The following NEDD4L variants were observed in gnomAD, a reference collection of about 807,000 sequenced individuals.
The protein encoded by NEDD4L is E3 ubiquitin-protein ligase NEDD4-like.
Under a neutral mutation model 148.9 loss-of-function variants are expected in NEDD4L, and 54 were observed. The ratio of observed to expected loss-of-function variants is 0.36; its 90% CI spans 0.29 to 0.45. The LOEUF (loss-of-function observed/expected upper bound fraction) is 0.45. Among genes scored for constraint, NEDD4L ranks in the 20% least tolerant of loss-of-function variants. NEDD4L has a pLI of 1.00. For missense variants in NEDD4L, 856 were observed against 1,233.8 expected (o/e 0.69, Z 4.59); for synonymous variants, 433 against 440.7 (o/e 0.98, Z 0.22).
intron 1 of NEDD4L, among the ~76,000 whole-genome samples, chr18:58,112,290 T>C (rs2085467088): frequency 6.6e-6 from 1 of 152,164 alleles, no homozygotes; most frequent in African/African-American, 2.4e-5. Context: ...ATGCCAATCT[T>C]GTTTTAGACC....
intron 2 of NEDD4L, among the ~76,000 whole-genome samples, chr18:58,166,461 TGGACTG>T (rs2036856609): frequency 6.6e-6 from 1 of 152,218 alleles, no homozygotes; most frequent in Non-Finnish European, 1.5e-5. Context: ...ATGAAGTTAT[TGGACTG>T]GGAGCAGGGT....
chr18:58,388,966 T>G (rs769218879), intron 27 of NEDD4L, 119 bp from the exon 28 acceptor site: 4 of 767,598 alleles, frequency 5.2e-6, no homozygotes, highest in Admixed American at 2.0e-5. Context: ...TTGTTATGAT[T>G]TGCTAGCTTA....
chr18:58,185,041 C>T (rs2039310603), intron 2 of NEDD4L, among the ~76,000 whole-genome samples: 1 of 152,210 alleles, frequency 6.6e-6, no homozygotes, highest in South Asian at 2.1e-4. Context: ...TTTACAGTTT[C>T]ATCAGCACCA....
At chr18:58,060,078 C>T (rs1468918130) in intron 1 of NEDD4L, among the ~76,000 whole-genome samples, 1 of 144,692 alleles carries the variant, frequency 6.9e-6, no homozygotes, top group Admixed American at 7.1e-5. Context: ...TTGTAGACAC[C>T]CGGAGTGGAA....
intron 1 of NEDD4L, among the ~76,000 whole-genome samples, chr18:58,077,937 C>T (rs562685870): frequency 6.6e-6 from 1 of 151,830 alleles, no homozygotes; most frequent in East Asian, 1.9e-4. Context: ...GCCGAGCATC[C>T]TGTAATGCAC....
intron 27 of NEDD4L, chr18:58,388,380 G>A (rs567991609): frequency 6.6e-6 from 1 of 152,380 alleles, no homozygotes; most frequent in South Asian, 2.1e-4. Flanking sequence ...GCAGAGAGCA[G>A]CTGGGTTTAC....
At position 58,396,548 on chromosome 18, in the gene NEDD4L, G is replaced by T; in HGVS notation, c.*279G>T. 3.7e-6 allele frequency: 1 copy of T among 272,300 alleles called. No homozygotes were observed. Among genetic ancestry groups the T allele is most frequent in the Non-Finnish European group, 7.1e-6 (1 of 141,834 alleles). The allele number at this position is 272,300 out of a possible 1,614,324, so 16.9% of individuals were successfully genotyped here. A position where few individuals can be genotyped will look rare whatever the true frequency, so the allele number is the denominator to read the frequency against. On this transcript the variant is annotated 3_prime_UTR_variant, in exon 31 of 31. Transcript: ENST00000400345. The stretch of plus-strand genomic sequence containing the variant: ...TTTATGTTGTGCCTCTGCAGGCAAA[G>T]CCCTTAATAAATATTTTACATCCTT...
chr18:58,369,442 TGTCGGC>T (rs879379501), intron 22 of NEDD4L, among the ~76,000 whole-genome samples: 42,942 of 119,202 alleles, frequency 0.36, 6,441 homozygotes, highest in African/African-American at 0.43. Context: ...GGAATGTCCC[TGTCGGC>T]AGGGCTCATT....
intron 18 of NEDD4L, among the ~76,000 whole-genome samples, chr18:58,351,754 C>A (rs1470730029): frequency 6.6e-6 from 1 of 152,048 alleles, no homozygotes; most frequent in Non-Finnish European, 1.5e-5. Context: ...TAAAAAGAAG[C>A]CTTCAAATAG....
chr18:58,281,431 T>C (rs2053073369), intron 5 of NEDD4L, among the ~76,000 whole-genome samples: 1 of 152,170 alleles, frequency 6.6e-6, no homozygotes, highest in African/African-American at 2.4e-5. Flanking sequence ...GGGTGGCCTT[T>C]TGTTATCATT....
chr18:58,237,952 G>A (rs2148290647), intron 2 of NEDD4L, among the ~76,000 whole-genome samples: 1 of 152,282 alleles, frequency 6.6e-6, no homozygotes, highest in Admixed American at 6.5e-5. Context: ...TAGAATGCAG[G>A]TAAACCACTA....
At position 58,400,276 on chromosome 18, in the gene NEDD4L, A is replaced by G. The variant is rs1317686279; in HGVS notation, c.*4007A>G. Reference sequence around the variant, plus strand: ...TTCAGGCATTGGGGTACATCCTGATAAGTCGTGTCAGAACTGCCAATTTCA... The same window carrying G: ...TTCAGGCATTGGGGTACATCCTGATGAGTCGTGTCAGAACTGCCAATTTCA... On this transcript the variant is annotated 3_prime_UTR_variant, in exon 31 of 31. Transcript: ENST00000400345. 2.6e-5 allele frequency: 4 copies of G among 152,234 alleles called. No individual in the cohort carries two copies. 9.4% of individuals were successfully genotyped at this position (152,234 alleles called of 1,614,324 possible). A position where few individuals can be genotyped will look rare whatever the true frequency, so the allele number is the denominator to read the frequency against.
At chr18:58,388,484 A>G (rs1377849376) in intron 27 of NEDD4L, 1 of 152,270 alleles carries the variant, frequency 6.6e-6, no homozygotes, top group African/African-American at 2.4e-5. Context: ...CTTTGCATAA[A>G]TATCTTCCAT....
At chr18:58,176,078 T>G (rs1328444087) in intron 2 of NEDD4L, among the ~76,000 whole-genome samples, 4 of 152,204 alleles carry the variant, frequency 2.6e-5, no homozygotes, top group Non-Finnish European at 4.4e-5. Context: ...CAGTATACAC[T>G]AAGTGAGCAT....
chr18:58,195,323 T>C (rs1021747370), intron 2 of NEDD4L: 1 of 920,454 alleles, frequency 1.1e-6, no homozygotes, highest in Non-Finnish European at 1.4e-6. Context: ...TTTGAATTGC[T>C]TTTTTGTGTC....
At chr18:58,133,766 C>G (rs1262922327) in intron 1 of NEDD4L, among the ~76,000 whole-genome samples, 1 of 152,082 alleles carries the variant, frequency 6.6e-6, no homozygotes, top group African/African-American at 2.4e-5. Context: ...ACAGAGTTGC[C>G]ATGAAGTTTA....
chr18:58,145,318 G>T (rs551653723), intron 1 of NEDD4L, among the ~76,000 whole-genome samples: 142 of 152,308 alleles, frequency 9.3e-4, no homozygotes, highest in Middle Eastern at 6.8e-3. Flanking sequence ...GTGACAGTCT[G>T]AAGAATCAAA....
At chr18:58,130,591 G>A (rs2031933674) in intron 1 of NEDD4L, among the ~76,000 whole-genome samples, 1 of 141,148 alleles carries the variant, frequency 7.1e-6, no homozygotes. Context: ...GGGCTCTGTT[G>A]GGGTTTGGTT....
chr18:58,285,459 G>T (rs1315430029), intron 5 of NEDD4L, among the ~76,000 whole-genome samples: 1 of 152,108 alleles, frequency 6.6e-6, no homozygotes, highest in Non-Finnish European at 1.5e-5. Context: ...CTCCCCAGTA[G>T]CTTGGATTAC....
Sources: allele counts gnomAD v4.1 joint callset (sites outside exome capture counted in the v4.1 genomes callset), GRCh38; gene constraint gnomAD v4.1.1; transcripts MANE v1.5; gene names NCBI Gene and HGNC (gene_info 2026-07-23, HGNC 2026-07-21).